The following EPHA5 variants were observed in gnomAD, a reference collection of about 807,000 sequenced individuals.
The protein encoded by EPHA5 is EPH receptor A5, also known as ephrin type-A receptor 5.
A neutral mutation model predicts 105.0 loss-of-function variants in EPHA5; 60 were observed. The ratio of observed to expected loss-of-function variants is 0.57; its 90% CI spans 0.46 to 0.71. EPHA5 has a LOEUF of 0.71. Among genes scored for constraint, EPHA5 ranks in the 30% least tolerant of loss-of-function variants. The pLI is 0.00. For synonymous variants in EPHA5, 513 were observed against 449.1 expected (o/e 1.14, Z -1.80); for missense variants, 1,218 against 1,274.7 (o/e 0.96, Z 0.68).
rs62312553 is a variant in EPHA5 at position 65,388,924 on chromosome 4, A to C, written c.1793+15450T>G. The stretch of plus-strand genomic sequence containing the variant: ...TCCTGAATGGTAATGCCTAGGTTTT[A>C]TTCTAGGGTTTTTATGGTTTTAGGT... On this transcript the variant is annotated intron_variant, in intron 8 of 16. Coordinates refer to ENST00000613740, the MANE Select transcript of EPHA5 (RefSeq NM_001281766.3). Among the ~76,000 whole-genome samples the C allele has an allele frequency of 9.8e-3, 1,482 of 151,910 alleles. 10 individuals are homozygous for C. The highest frequency in any genetic ancestry group is 0.024 in the Middle Eastern group (7 of 294).
intron 2 of EPHA5, among the ~76,000 whole-genome samples, chr4:65,627,059 C>G (rs1169019827): frequency 1.3e-5 from 2 of 152,118 alleles, no homozygotes; most frequent in East Asian, 3.9e-4. Context: ...TGCAGGCTAG[C>G]TAGTTGTTAT....
chr4:65,352,654 C>A (rs905308074), intron 12 of EPHA5, among the ~76,000 whole-genome samples: 11 of 152,010 alleles, frequency 7.2e-5, no homozygotes, highest in African/African-American at 2.4e-4. Context: ...GCTATTTACA[C>A]GTTTTCTTGC....
intron 12 of EPHA5, among the ~76,000 whole-genome samples, chr4:65,351,890 G>A (rs774989351): frequency 6.6e-6 from 1 of 151,964 alleles, no homozygotes; most frequent in Admixed American, 6.6e-5. Context: ...AGAAGGGTTT[G>A]TTCACACTCC....
chr4:65,413,430 A>C (rs1723097852), intron 7 of EPHA5, among the ~76,000 whole-genome samples: 1 of 152,178 alleles, frequency 6.6e-6, no homozygotes, highest in Non-Finnish European at 1.5e-5. Flanking sequence ...AGTTTTATTC[A>C]CATTTTAATT....
At chr4:65,515,863 T>C (rs4132313) in intron 3 of EPHA5, among the ~76,000 whole-genome samples, 32,463 of 152,006 alleles carry the variant, frequency 0.21, 3,815 homozygotes, top group East Asian at 0.36. Flanking sequence ...TCCAGTCCTT[T>C]GAGGCTCTGA....
In EPHA5 at chr4:65,335,952, C is replaced by A. The variant is rs1235273760; in HGVS notation, c.2769G>T (p.Thr923=). 4 of 1,611,100 alleles carry A rather than the reference C, an allele frequency of 2.5e-6. No homozygotes were observed. The highest frequency in any genetic ancestry group is 2.7e-5 in the African/African-American group (2 of 74,724). The change falls in exon 15 of 17, where the codon ACG becomes ACT. Residue 923 remains threonine (T), a synonymous_variant. Coordinates refer to ENST00000613740, the MANE Select transcript of EPHA5 (RefSeq NM_001281766.3). ...TGTACCTGCAGGATGCATTAACCAG[C>A]GTCTTCAGACTACTTGGGTTACGTA... ...KLIRNPSSLK[T]LVNASCRVSN... is the part of the protein sequence containing the mutation.
chr4:65,488,127 C>T (rs1321306386), intron 5 of EPHA5, among the ~76,000 whole-genome samples: 1 of 152,100 alleles, frequency 6.6e-6, no homozygotes, highest in Admixed American at 6.5e-5. Flanking sequence ...TCTTGACCAC[C>T]TGGATGAAAA....
intron 3 of EPHA5, among the ~76,000 whole-genome samples, chr4:65,550,480 C>T (rs1191062244): frequency 6.6e-6 from 1 of 152,108 alleles, no homozygotes; most frequent in Non-Finnish European, 1.5e-5. Flanking sequence ...TTCTGACACT[C>T]ATATCCAGTA....
rs141814432 is a variant in EPHA5 at position 65,476,552 on chromosome 4, T to C, written c.1402+13825A>G. On this transcript the variant is annotated intron_variant, in intron 5 of 16. Coordinates refer to ENST00000613740, the MANE Select transcript of EPHA5 (RefSeq NM_001281766.3). ...CATTGGGAACTCATTGACATAAAGG[T>C]GGCAACAATAGACACTGGAGTCTAA... is the stretch of plus-strand genomic sequence containing the variant. 2.0e-5 allele frequency among the ~76,000 whole-genome samples: 3 copies of C among 152,136 alleles called. No individual in the cohort carries two copies. The East Asian group carries it at 5.8e-4, about 30-fold the overall frequency.
intron 2 of EPHA5, among the ~76,000 whole-genome samples, chr4:65,634,518 G>A (rs1344226512): frequency 6.6e-6 from 1 of 152,030 alleles, no homozygotes; most frequent in African/African-American, 2.4e-5. Flanking sequence ...ATACTTCAGT[G>A]TATGCTTAAT....
chr4:65,336,795 T>C (rs1218562333), intron 14 of EPHA5, among the ~76,000 whole-genome samples: 1 of 152,108 alleles, frequency 6.6e-6, no homozygotes, highest in Non-Finnish European at 1.5e-5. Flanking sequence ...GAGGTCATTT[T>C]ATCAAAACCA....
chr4:65,386,702 T>G (rs1720126599), intron 8 of EPHA5, among the ~76,000 whole-genome samples: 1 of 151,934 alleles, frequency 6.6e-6, no homozygotes, highest in African/African-American at 2.4e-5. Context: ...ATTGTTATGT[T>G]AAGTAAAAAA....
At chr4:65,519,258 CAG>C in intron 3 of EPHA5, among the ~76,000 whole-genome samples, 1 of 152,052 alleles carries the variant, frequency 6.6e-6, no homozygotes, top group Admixed American at 6.6e-5. Context: ...AGCATATAAA[CAG>C]AACCAAAGAC....
At chr4:65,332,995 C>A (rs1039098250) in intron 15 of EPHA5, among the ~76,000 whole-genome samples, 1 of 151,366 alleles carries the variant, frequency 6.6e-6, no homozygotes, top group African/African-American at 2.4e-5. Context: ...AAAATGTAAC[C>A]CCAAATACAA....
chr4:65,424,439 G>T (rs542216184), intron 5 of EPHA5, among the ~76,000 whole-genome samples: 1 of 151,958 alleles, frequency 6.6e-6, no homozygotes, highest in Non-Finnish European at 1.5e-5. Flanking sequence ...TTATAAATGT[G>T]CTTTCAATCT....
At chr4:65,503,908 T>TACACACACACACACACAC (rs34693427) in intron 3 of EPHA5, among the ~76,000 whole-genome samples, 2 of 145,356 alleles carry the variant, frequency 1.4e-5, no homozygotes, top group African/African-American at 2.5e-5. Context: ...ATGTGTGTGA[T>TACACACACACACACACAC]ACACACACAC....
chr4:65,342,702 C>A (rs1434544894), intron 14 of EPHA5, among the ~76,000 whole-genome samples: 1 of 150,582 alleles, frequency 6.6e-6, no homozygotes, highest in Non-Finnish European at 1.5e-5. Flanking sequence ...AACATATAAG[C>A]AATATACATA....
intron 2 of EPHA5, among the ~76,000 whole-genome samples, chr4:65,626,153 T>C (rs567090524): frequency 6.6e-6 from 1 of 150,722 alleles, no homozygotes; most frequent in Admixed American, 6.6e-5. Flanking sequence ...ATATCACATA[T>C]AGCTAAGTCA....
At chr4:65,348,960 T>C (rs1214394299) in intron 13 of EPHA5, among the ~76,000 whole-genome samples, 2 of 149,880 alleles carry the variant, frequency 1.3e-5, no homozygotes, top group Non-Finnish European at 3.0e-5. Flanking sequence ...GGACTACAGA[T>C]GTGCGCTATC....
Sources: gnomAD v4.1 joint callset for allele counts (sites outside exome capture counted in the v4.1 genomes callset) on GRCh38, gnomAD v4.1.1 for gene constraint, MANE v1.5 for transcripts, NCBI Gene and HGNC (gene_info 2026-07-23, HGNC 2026-07-21) for gene names.